PGS1: variants seen among roughly 807,000 people sequenced by gnomAD.
PGS1 encodes the protein CDP-diacylglycerol--glycerol-3-phosphate 3-phosphatidyltransferase, mitochondrial.
PGS1 carries 44 observed loss-of-function variants against 58.3 expected under a neutral mutation model. That is an observed-to-expected ratio of 0.75 (90% confidence interval 0.59 to 0.97). PGS1 has a LOEUF of 0.97. Among genes scored for constraint, PGS1 ranks in the 50% least tolerant of loss-of-function variants. The pLI, the probability that PGS1 is intolerant of heterozygous loss-of-function variation, is 0.00. For missense variants in PGS1, 684 were observed against 731.1 expected, an observed-to-expected ratio of 0.94 and a Z score of 0.74; for synonymous variants, 330 against 311.0, an observed-to-expected ratio of 1.06 and a Z score of -0.64.
At chr17:78,408,847 C>G (rs950556769) in intron 7 of PGS1, among the ~76,000 whole-genome samples, 22 of 152,290 alleles carry the variant, frequency 1.4e-4, no homozygotes, top group Middle Eastern at 3.4e-3. Context: ...GGACAAGGTT[C>G]TGGGAGCTGG....
Position 78,399,892 on chromosome 17 carries a change from CAA to C in PGS1, c.701+356_701+357del, listed in dbSNP as rs374103724. 8.2e-4 allele frequency: 246 copies of C among 300,690 alleles called. 2 individuals are homozygous for C. The highest frequency in any genetic ancestry group is 4.8e-3 in the African/African-American group (223 of 46,108). 18.6% of individuals were successfully genotyped at this position (300,690 alleles called of 1,614,324 possible). Reference sequence around the variant, plus strand: ...AGGTAGACAGAGCCAGAAAAATAAACAAGAGTCAGACCTGGAAGTCCAGGTCC... The same window carrying C: ...AGGTAGACAGAGCCAGAAAAATAAACGAGTCAGACCTGGAAGTCCAGGTCC... On this transcript the variant is annotated intron_variant, in intron 5 of 9. Coordinates refer to ENST00000262764, the MANE Select transcript of PGS1 (RefSeq NM_024419.5).
intron 8 of PGS1, 25 bp from the exon 9 acceptor site, chr17:78,419,521 A>AT (rs771110858): frequency 1.2e-6 from 2 of 1,607,570 alleles, no homozygotes; most frequent in Non-Finnish European, 1.7e-6. Flanking sequence ...ACTCCTCACT[A>AT]TTCCTGTCTG....
chr17:78,387,598 CTTTTTTT>C (rs34252361), intron 1 of PGS1, among the ~76,000 whole-genome samples: 1 of 104,272 alleles, frequency 9.6e-6, no homozygotes, highest in Non-Finnish European at 1.9e-5. Flanking sequence ...CGCGCCCAGC[CTTTTTTT>C]TTTTTTTTTT....
intron 9 of PGS1, chr17:78,420,704 T>C (rs1009520879): frequency 1.3e-5 from 2 of 152,184 alleles, no homozygotes; most frequent in African/African-American, 4.8e-5. Flanking sequence ...CTGCAGCTTT[T>C]CCTAGTTATT....
At chr17:78,388,984 G>A (rs2082604512) in intron 1 of PGS1, among the ~76,000 whole-genome samples, 1 of 140,212 alleles carries the variant, frequency 7.1e-6, no homozygotes. Context: ...TTTGTTGAGG[G>A]TTAAGTTGAA....
At chr17:78,390,941 C>T (rs2082779114) in intron 1 of PGS1, among the ~76,000 whole-genome samples, 1 of 149,910 alleles carries the variant, frequency 6.7e-6, no homozygotes, top group Non-Finnish European at 1.5e-5. Context: ...CATCATCACT[C>T]TTTTTTTTTT....
chr17:78,396,960 T>A (rs2083272539), intron 3 of PGS1, among the ~76,000 whole-genome samples: 1 of 152,206 alleles, frequency 6.6e-6, no homozygotes, highest in Non-Finnish European at 1.5e-5. Flanking sequence ...CTCTGGCCGT[T>A]TACACAAAAG....
intron 7 of PGS1, 75 bp downstream of exon 7, chr17:78,404,164 C>G: frequency 7.0e-7 from 1 of 1,427,610 alleles, no homozygotes; most frequent in Non-Finnish European, 9.2e-7. Context: ...GGAGCCCTGG[C>G]GCCTACCTGT....
chr17:78,393,827 C>T (rs141022000), intron 2 of PGS1, among the ~76,000 whole-genome samples: 14 of 152,278 alleles, frequency 9.2e-5, no homozygotes, highest in African/African-American at 3.1e-4. Flanking sequence ...TTGGAATGAA[C>T]ACTAATCAAC....
rs1407516859 is a variant in PGS1 at position 78,403,912 on chromosome 17, C to T, written c.1225C>T (p.Leu409=). 6.2e-7 allele frequency: 1 copy of T among 1,614,206 alleles called. No individual in the cohort carries two copies. Among genetic ancestry groups the T allele is most frequent in the Non-Finnish European group, 8.5e-7 (1 of 1,179,992 alleles). The change falls in exon 7 of 10, where the codon CTG becomes TTG. Residue 409 remains leucine (L), a synonymous_variant. Coordinates refer to ENST00000262764, the MANE Select transcript of PGS1 (RefSeq NM_024419.5). ...VLGTRAEYQI[L]LASPEVNGFF... Reference sequence around the variant, plus strand: ...GGGCACTCGGGCTGAGTACCAGATCCTGCTGGCCTCACCAGAGGTGAATGG... The same window carrying T: ...GGGCACTCGGGCTGAGTACCAGATCTTGCTGGCCTCACCAGAGGTGAATGG...
At chr17:78,402,943 G>T (rs758072960) in intron 6 of PGS1, among the ~76,000 whole-genome samples, 5 of 152,072 alleles carry the variant, frequency 3.3e-5, no homozygotes, top group Admixed American at 2.6e-4. Flanking sequence ...AATACAAAAG[G>T]CACCCCATGC....
chr17:78,420,861 C>T (rs887912386), intron 9 of PGS1: 4 of 152,198 alleles, frequency 2.6e-5, no homozygotes, highest in African/African-American at 9.7e-5. Context: ...TTCTAAATAA[C>T]GTGCATATCC....
intron 9 of PGS1, among the ~76,000 whole-genome samples, chr17:78,422,946 A>G (rs1394546058): frequency 6.6e-6 from 1 of 151,978 alleles, no homozygotes; most frequent in African/African-American, 2.4e-5. Context: ...AAATAAAAAA[A>G]TTAGCTGCGT....
At chr17:78,392,891 G>A (rs1598278485) in intron 2 of PGS1, among the ~76,000 whole-genome samples, 1 of 152,192 alleles carries the variant, frequency 6.6e-6, no homozygotes, top group African/African-American at 2.4e-5. Flanking sequence ...GAAGGCAACA[G>A]TGAGAACAAG....
intron 2 of PGS1, among the ~76,000 whole-genome samples, chr17:78,395,140 A>G (rs2083133554): frequency 6.6e-6 from 1 of 152,150 alleles, no homozygotes; most frequent in Non-Finnish European, 1.5e-5. Context: ...AGAAGGGAGG[A>G]CAGTGCTGGT....
chr17:78,421,832 TCTCCCTGAGGAG>T (rs1263069940), intron 9 of PGS1: 2 of 152,128 alleles, frequency 1.3e-5, no homozygotes, highest in Non-Finnish European at 2.9e-5. Flanking sequence ...CTAGGCAGGT[TCTCCCTGAGGAG>T]CTCCCCACAC....
At chr17:78,401,164 C>T (rs2083628245) in intron 6 of PGS1, among the ~76,000 whole-genome samples, 1 of 152,098 alleles carries the variant, frequency 6.6e-6, no homozygotes, top group Admixed American at 6.5e-5. Flanking sequence ...GGGTATGCAG[C>T]AGCGTGTCCT....
chr17:78,392,368 A>G (rs1261005263), intron 1 of PGS1, 108 bp from the exon 2 acceptor site: 9 of 684,510 alleles, frequency 1.3e-5, no homozygotes, highest in Non-Finnish European at 2.2e-5. Flanking sequence ...AACACAAGCA[A>G]CGCACCCATC....
intron 9 of PGS1, 87 bp from the exon 10 acceptor site, chr17:78,423,969 CAAGTT>C (rs1568025618): frequency 1.2e-6 from 2 of 1,614,008 alleles, no homozygotes; most frequent in South Asian, 2.2e-5. Context: ...CTTTGGTCTT[CAAGTT>C]AAAGGTCCAG....
Sources: allele counts gnomAD v4.1 joint callset (sites outside exome capture counted in the v4.1 genomes callset), GRCh38; gene constraint gnomAD v4.1.1; transcripts MANE v1.5; gene names NCBI Gene and HGNC (gene_info 2026-07-23, HGNC 2026-07-21).